The following GABRB3 variants were observed in gnomAD, a reference collection of about 807,000 sequenced individuals.
GABRB3 encodes the protein gamma-aminobutyric acid receptor subunit beta-3.
In GABRB3, 14 loss-of-function variants were observed where a neutral mutation model predicts 52.1. That is an observed-to-expected ratio of 0.27 (90% CI 0.18 to 0.42). GABRB3 has a LOEUF of 0.42. GABRB3 is among the 10% of genes least tolerant of loss of function. The pLI is 1.00. For missense variants in GABRB3, 307 were observed against 609.1 expected (o/e 0.50, Z 5.22); for synonymous variants, 260 against 232.3 (o/e 1.12, Z -1.08).
At chr15:26,641,058 C>T (rs1261807016) in intron 3 of GABRB3, among the ~76,000 whole-genome samples, 2 of 152,138 alleles carry the variant, frequency 1.3e-5, no homozygotes, top group African/African-American at 4.8e-5. Context: ...TCCTGCTATG[C>T]CCTGGCTCAA....
chr15:26,679,493 T>C (rs1888172575), intron 3 of GABRB3, among the ~76,000 whole-genome samples: 1 of 152,166 alleles, frequency 6.6e-6, no homozygotes, highest in African/African-American at 2.4e-5. Flanking sequence ...CAAACCCAGA[T>C]GCTCGTCCCT....
chr15:26,586,982 T>C (rs1038269295), intron 4 of GABRB3, among the ~76,000 whole-genome samples: 2 of 152,158 alleles, frequency 1.3e-5, no homozygotes, highest in East Asian at 1.9e-4. Flanking sequence ...TTGCAGAACA[T>C]GGTGAATATA....
chr15:26,734,125 G>A (rs1254494511), intron 3 of GABRB3, among the ~76,000 whole-genome samples: 1 of 148,648 alleles, frequency 6.7e-6, no homozygotes, highest in Admixed American at 6.9e-5. Flanking sequence ...CGCCTCCTGG[G>A]TTCAAGCAAT....
At chr15:26,605,043 T>C (rs1427164946) in intron 4 of GABRB3, among the ~76,000 whole-genome samples, 2 of 152,156 alleles carry the variant, frequency 1.3e-5, no homozygotes, top group African/African-American at 4.8e-5. Flanking sequence ...ATAGCCAGCA[T>C]GTATAAGGTG....
At chr15:26,754,681 G>A (rs750244277) in intron 3 of GABRB3, among the ~76,000 whole-genome samples, 10 of 151,988 alleles carry the variant, frequency 6.6e-5, no homozygotes, top group Non-Finnish European at 8.8e-5. Flanking sequence ...GTAAACTAAT[G>A]GTTCACTAAA....
At chr15:26,660,362 C>T (rs1257669720) in intron 3 of GABRB3, among the ~76,000 whole-genome samples, 1 of 152,114 alleles carries the variant, frequency 6.6e-6, no homozygotes, top group Non-Finnish European at 1.5e-5. Flanking sequence ...AGTTTTGTTA[C>T]ATTGTAGTTA....
chr15:26,716,762 C>G (rs1412496228), intron 3 of GABRB3: 3 of 1,145,542 alleles, frequency 2.6e-6, no homozygotes, highest in Non-Finnish European at 3.2e-6. Flanking sequence ...AACAGCCCAG[C>G]TCTGAGGACC....
intron 4 of GABRB3, among the ~76,000 whole-genome samples, chr15:26,587,052 CA>C (rs200300174): frequency 3.9e-5 from 6 of 152,044 alleles, no homozygotes; most frequent in Admixed American, 1.3e-4. Context: ...GTTCTTGCCA[CA>C]AAAAAATGTT....
At chr15:26,605,628 G>A (rs553719991) in intron 4 of GABRB3, among the ~76,000 whole-genome samples, 3 of 152,240 alleles carry the variant, frequency 2.0e-5, no homozygotes, top group African/African-American at 7.2e-5. Flanking sequence ...GCAACAACAT[G>A]GATAAAACTG....
chr15:26,587,249 C>A (rs1430130131), intron 4 of GABRB3, among the ~76,000 whole-genome samples: 1 of 152,036 alleles, frequency 6.6e-6, no homozygotes, highest in Admixed American at 6.5e-5. Context: ...CCACTTTTTT[C>A]TTTTTATGTG....
chr15:26,620,020 G>T (rs1595488632), intron 4 of GABRB3, among the ~76,000 whole-genome samples: 1 of 151,994 alleles, frequency 6.6e-6, no homozygotes, highest in Middle Eastern at 3.2e-3. Context: ...TTTTGGGTGT[G>T]GGGGCAGGTA....
chr15:26,653,257 A>G (rs1029800743), intron 3 of GABRB3, among the ~76,000 whole-genome samples: 1 of 152,202 alleles, frequency 6.6e-6, no homozygotes, highest in African/African-American at 2.4e-5. Flanking sequence ...TCATGCAGAA[A>G]GAGGCCAAAA....
chr15:26,691,410 A>G (rs1049462336), intron 3 of GABRB3, among the ~76,000 whole-genome samples: 1 of 152,202 alleles, frequency 6.6e-6, no homozygotes, highest in Non-Finnish European at 1.5e-5. Context: ...GTGAATCCCA[A>G]AAAGGCCACC....
chr15:26,711,791 T>C (rs1205430914), intron 3 of GABRB3, among the ~76,000 whole-genome samples: 1 of 152,194 alleles, frequency 6.6e-6, no homozygotes, highest in Non-Finnish European at 1.5e-5. Context: ...TGTAATGAAG[T>C]AGCGAACGTA....
chr15:26,736,099 T>C (rs1299189997), intron 3 of GABRB3, among the ~76,000 whole-genome samples: 2 of 152,182 alleles, frequency 1.3e-5, no homozygotes, highest in African/African-American at 4.8e-5. Context: ...AGAGTTACTA[T>C]TTAATGTACA....
At chr15:26,554,175 A>AAGAGT (rs1397152466) in intron 8 of GABRB3, among the ~76,000 whole-genome samples, 30 of 14,260 alleles carry the variant, frequency 2.1e-3, no homozygotes, top group Admixed American at 4.5e-3. Context: ...ATATATATAA[A>AAGAGT]GTATATATAT....
intron 4 of GABRB3, among the ~76,000 whole-genome samples, chr15:26,584,654 C>A (rs1355332401): frequency 6.6e-6 from 1 of 152,242 alleles, no homozygotes; most frequent in Admixed American, 6.5e-5. Context: ...CAACCCTACA[C>A]TGAGAAACAA....
In GABRB3 at chr15:26,567,745, A is replaced by G; in HGVS notation, c.683-12T>C. The stretch of plus-strand genomic sequence containing the variant: ...TCGAGGATAGGCACCTATGGGAAAC[A>G]GACAAGGATATTACACTGGAGAAAC... On this transcript the variant is annotated splice_polypyrimidine_tract_variant and intron_variant, in intron 6 of 8. Coordinates refer to ENST00000311550, the MANE Select transcript of GABRB3 (RefSeq NM_000814.6). 1 of 1,613,514 alleles carries G rather than the reference A, an allele frequency of 6.2e-7. No homozygotes were observed.
intron 4 of GABRB3, among the ~76,000 whole-genome samples, chr15:26,585,079 G>C (rs1053083750): frequency 1.5e-4 from 23 of 152,328 alleles, no homozygotes; most frequent in African/African-American, 5.5e-4. Context: ...AGCAAGTAGA[G>C]TTGAGGTTGC....
Sources: allele counts gnomAD v4.1 joint callset (sites outside exome capture counted in the v4.1 genomes callset), GRCh38; gene constraint gnomAD v4.1.1; transcripts MANE v1.5; gene names NCBI Gene and HGNC (gene_info 2026-07-23, HGNC 2026-07-21).